EPB41L4B: variants seen among roughly 807,000 people sequenced by gnomAD.
EPB41L4B encodes band 4.1-like protein 4B.
In EPB41L4B, 30 loss-of-function variants were observed where a neutral mutation model predicts 112.5. That is an observed-to-expected ratio of 0.27 (90% CI 0.20 to 0.36). The LOEUF is 0.36. Among genes scored for constraint, EPB41L4B ranks in the 10% least tolerant of loss-of-function variants. The pLI, the probability that EPB41L4B is intolerant of heterozygous loss-of-function variation, is 1.00. For missense variants in EPB41L4B, 1,024 were observed against 1,133.3 expected, an observed-to-expected ratio of 0.90 and a Z score of 1.38; for synonymous variants, 408 against 439.7, an observed-to-expected ratio of 0.93 and a Z score of 0.90.
intron 13 of EPB41L4B, 124 bp from the exon 14 acceptor site, chr9:109,247,913 C>A (rs1834622369): frequency 1.5e-6 from 1 of 650,734 alleles, no homozygotes; most frequent in Admixed American, 4.3e-5. Context: ...ATAGGAACTT[C>A]CACATAATGA....
chr9:109,274,803 T>C (rs982807771), intron 2 of EPB41L4B, among the ~76,000 whole-genome samples: 1 of 152,260 alleles, frequency 6.6e-6, no homozygotes, highest in African/African-American at 2.4e-5. Flanking sequence ...CTCAGCTTCA[T>C]CATCTGTAAA....
intron 22 of EPB41L4B, among the ~76,000 whole-genome samples, chr9:109,190,119 T>C (rs534939281): frequency 6.6e-6 from 1 of 152,230 alleles, no homozygotes; most frequent in African/African-American, 2.4e-5. Context: ...CTGGTTCTGA[T>C]AGTGTCTTGG....
chr9:109,235,390 C>CTTTTTTTTT (rs758330838), intron 15 of EPB41L4B, among the ~76,000 whole-genome samples: 1 of 87,248 alleles, frequency 1.1e-5, no homozygotes. Context: ...TTCAGCTAGA[C>CTTTTTTTTT]TTTTTTTTTT....
intron 15 of EPB41L4B, chr9:109,241,731 G>A (rs1322091625): frequency 6.8e-6 from 11 of 1,614,018 alleles, no homozygotes; most frequent in Non-Finnish European, 9.3e-6. Context: ...TCTGGTTCTG[G>A]TCGTGGACAT....
intron 20 of EPB41L4B, among the ~76,000 whole-genome samples, chr9:109,197,193 C>T (rs1445207216): frequency 1.3e-5 from 2 of 152,120 alleles, no homozygotes; most frequent in African/African-American, 2.4e-5. Flanking sequence ...GAGGCTGAAG[C>T]GGGCGGATCA....
At chr9:109,284,716 A>T (rs528088374) in intron 1 of EPB41L4B, among the ~76,000 whole-genome samples, 2 of 152,190 alleles carry the variant, frequency 1.3e-5, no homozygotes, top group Non-Finnish European at 2.9e-5. Flanking sequence ...CTTCTCCCCA[A>T]GTTTTAACAG....
intron 15 of EPB41L4B, among the ~76,000 whole-genome samples, chr9:109,228,814 C>G (rs529260843): frequency 2.5e-4 from 38 of 152,230 alleles, no homozygotes; most frequent in African/African-American, 8.9e-4. Flanking sequence ...TCATATGTTC[C>G]ACCTTCCTAC....
chr9:109,196,718 GAAAAAAAA>G (rs34024676), intron 20 of EPB41L4B, among the ~76,000 whole-genome samples: 1 of 84,638 alleles, frequency 1.2e-5, no homozygotes, highest in Non-Finnish European at 2.4e-5. Context: ...CCTTGTCTCC[GAAAAAAAA>G]AAAAAAAAAA....
intron 1 of EPB41L4B, among the ~76,000 whole-genome samples, chr9:109,317,308 T>C (rs1057365204): frequency 8.5e-5 from 13 of 152,180 alleles, no homozygotes; most frequent in African/African-American, 3.1e-4. Context: ...TGGAAGTCCT[T>C]CCGATTCCCC....
intron 17 of EPB41L4B, among the ~76,000 whole-genome samples, chr9:109,208,363 A>C (rs1331313016): frequency 6.6e-6 from 1 of 152,198 alleles, no homozygotes; most frequent in Non-Finnish European, 1.5e-5. Context: ...CAAGTCTCCT[A>C]ACCTCAGTCC....
chr9:109,176,764 C>T (rs962034751), intron 24 of EPB41L4B, 68 bp from the exon 25 acceptor site: 1 of 1,564,690 alleles, frequency 6.4e-7, no homozygotes, highest in African/African-American at 1.4e-5. Flanking sequence ...GTCAGTTGCT[C>T]CCTAAGCCTT....
chr9:109,278,847 G>C (rs1314744284), intron 2 of EPB41L4B, among the ~76,000 whole-genome samples: 1 of 152,154 alleles, frequency 6.6e-6, no homozygotes. Flanking sequence ...CCCCAAGCTA[G>C]ATTTTGTTGG....
chr9:109,185,170 A>G (rs1263490907), intron 23 of EPB41L4B, among the ~76,000 whole-genome samples: 1 of 152,268 alleles, frequency 6.6e-6, no homozygotes, highest in Non-Finnish European at 1.5e-5. Context: ...GAAATGCAAC[A>G]TAAGAGTCCG....
At chr9:109,287,917 G>C (rs1306581426) in intron 1 of EPB41L4B, among the ~76,000 whole-genome samples, 1 of 152,182 alleles carries the variant, frequency 6.6e-6, no homozygotes, top group East Asian at 1.9e-4. Context: ...GTCTTTCTGT[G>C]GCCAGCTTCG....
At chr9:109,207,679 T>C (rs1331528201) in intron 18 of EPB41L4B, among the ~76,000 whole-genome samples, 1 of 152,170 alleles carries the variant, frequency 6.6e-6, no homozygotes, top group Non-Finnish European at 1.5e-5. Context: ...GTTTTCCAGG[T>C]GACTTATGCA....
chr9:109,177,467 C>T (rs1831884229), intron 24 of EPB41L4B, among the ~76,000 whole-genome samples: 1 of 152,134 alleles, frequency 6.6e-6, no homozygotes, highest in South Asian at 2.1e-4. Flanking sequence ...ATATTCTTGT[C>T]ATTTTCATTA....
At chr9:109,272,055 G>A (rs1178786140) in intron 2 of EPB41L4B, among the ~76,000 whole-genome samples, 2 of 152,198 alleles carry the variant, frequency 1.3e-5, no homozygotes, top group African/African-American at 2.4e-5. Context: ...AGGAGTTGAA[G>A]AGCATCTAAC....
At chr9:109,227,824 C>T (rs2118892815) in intron 15 of EPB41L4B, among the ~76,000 whole-genome samples, 1 of 152,250 alleles carries the variant, frequency 6.6e-6, no homozygotes, top group African/African-American at 2.4e-5. Flanking sequence ...TCGTGATCTG[C>T]CCACCTCGAC....
At chr9:109,306,769 A>G (rs1337558702) in intron 1 of EPB41L4B, among the ~76,000 whole-genome samples, 1 of 152,164 alleles carries the variant, frequency 6.6e-6, no homozygotes, top group African/African-American at 2.4e-5. Flanking sequence ...AACATCAAAA[A>G]CCACTGTTGT....
Sources: gnomAD v4.1 joint callset for allele counts (sites outside exome capture counted in the v4.1 genomes callset) on GRCh38, gnomAD v4.1.1 for gene constraint, MANE v1.5 for transcripts, NCBI Gene and HGNC (gene_info 2026-07-23, HGNC 2026-07-21) for gene names.